Variants in TMEM170B observed in about 807,000 individuals in gnomAD.
The protein encoded by TMEM170B is transmembrane protein 170B.
A neutral mutation model predicts 13.0 loss-of-function variants in TMEM170B; 6 were observed. The observed-to-expected ratio is 0.46, with a 90% CI of 0.25 to 0.91. The LOEUF (loss-of-function observed/expected upper bound fraction) is 0.91, where lower values mean the gene tolerates loss of function less well. TMEM170B is among the 40% of genes least tolerant of loss of function. The probability of loss-of-function intolerance (pLI) is 0.17; values close to 1 mark genes in which losing one functional copy is unlikely to be tolerated. For synonymous variants in TMEM170B, 61 were observed against 64.9 expected, an observed-to-expected ratio of 0.94 and a Z score of 0.29; for missense variants, 138 against 165.2, an observed-to-expected ratio of 0.84 and a Z score of 0.90.
rs900527856 is a variant in TMEM170B, at chr6:11,579,485, T to C, written c.*3924T>C. 1 of 152,254 alleles carries C rather than the reference T, an allele frequency of 6.6e-6. No homozygotes were observed. The highest frequency in any genetic ancestry group is 2.4e-5 in the African/African-American group (1 of 41,474). The allele number at this position is 152,254 out of a possible 1,614,324, so 9.4% of individuals were successfully genotyped here. A position where few individuals can be genotyped will look rare whatever the true frequency, so the allele number is the denominator to read the frequency against. ...TTTTGCAATTGCATTACCAATTGAATATGTTGTTTTGTAAAATTCATCAAT... is the reference window on the plus strand; with the variant it reads ...TTTTGCAATTGCATTACCAATTGAACATGTTGTTTTGTAAAATTCATCAAT... On this transcript the variant is annotated 3_prime_UTR_variant, in exon 3 of 3. Coordinates refer to ENST00000379426, the MANE Select transcript of TMEM170B (RefSeq NM_001100829.3).
chr6:11,557,016 T>C (rs1353117029), intron 1 of TMEM170B, among the ~76,000 whole-genome samples: 4 of 152,146 alleles, frequency 2.6e-5, no homozygotes, highest in Non-Finnish European at 5.9e-5. Context: ...TGCAAGCGAG[T>C]GTGCATTTGT....
At chr6:11,561,243 A>AT (rs1759661102) in intron 1 of TMEM170B, among the ~76,000 whole-genome samples, 1 of 151,898 alleles carries the variant, frequency 6.6e-6, no homozygotes, top group South Asian at 2.1e-4. Context: ...TTTGTTTTGT[A>AT]TTTTTTCAGC....
chr6:11,541,045 A>C (rs754750735), intron 1 of TMEM170B, among the ~76,000 whole-genome samples: 25 of 152,086 alleles, frequency 1.6e-4, no homozygotes, highest in Non-Finnish European at 8.8e-5. Context: ...AAACTGATGT[A>C]CTGTCATCCA....
intron 1 of TMEM170B, among the ~76,000 whole-genome samples, chr6:11,547,232 GAA>G (rs1178346103): frequency 6.6e-6 from 1 of 151,262 alleles, no homozygotes; most frequent in African/African-American, 2.5e-5. Flanking sequence ...AAAAATAAAA[GAA>G]AGTGAATATT....
At position 11,576,541 on chromosome 6, in the gene TMEM170B, A is replaced by C. The variant is rs78179337; in HGVS notation, c.*980A>C. On this transcript the variant is annotated 3_prime_UTR_variant, in exon 3 of 3. Transcript: ENST00000379426. Reference sequence around the variant, plus strand: ...TATATCTTGATTTTTGACAAAACATAAACAGTCTTTCATTCTGGAGTATTA... The same window carrying C: ...TATATCTTGATTTTTGACAAAACATCAACAGTCTTTCATTCTGGAGTATTA... 6.6e-6 allele frequency: 1 copy of C among 152,168 alleles called. No individual in the cohort carries two copies. Among genetic ancestry groups the C allele is most frequent in the Non-Finnish European group, 1.5e-5 (1 of 68,008 alleles). 9.4% of individuals were successfully genotyped at this position (152,168 alleles called of 1,614,324 possible).
At chr6:11,572,982 A>G (rs1316378072) in intron 2 of TMEM170B, among the ~76,000 whole-genome samples, 3 of 152,114 alleles carry the variant, frequency 2.0e-5, no homozygotes, top group South Asian at 2.1e-4. Context: ...TTTATCTCCA[A>G]CTGATGGTGG....
In TMEM170B at chr6:11,575,465, G is replaced by A; in HGVS notation, c.303G>A (p.Gly101=). ...AAVAGIYRVA[G]KNMAPLEALV... ...TAGCGGGCATTTACAGAGTAGCTGG[G>A]AAGAACATGGCCCCTTTGGAAGCGC... The change falls in exon 3 of 3, where the codon GGG becomes GGA. Residue 101 remains glycine, a synonymous_variant. Transcript: ENST00000379426. This position sits in a 1 kb window ranked among gnomAD's most constrained non-coding sequence, Gnocchi z 4.1. 6.2e-7 allele frequency: 1 copy of A among 1,613,536 alleles called. No homozygotes were observed. The highest frequency in any genetic ancestry group is 1.3e-5 in the African/African-American group (1 of 74,998).
Position 11,571,821 on chromosome 6 carries a change from T to C in TMEM170B, c.269-3610T>C, listed in dbSNP as rs1225679388. ...GATTAATATCTAGACTATATATTTT[T>C]TAAAAACCCTGTGACTCAAGTTATA... On this transcript the variant is annotated intron_variant, in intron 2 of 2. Coordinates refer to ENST00000379426, the MANE Select transcript of TMEM170B (RefSeq NM_001100829.3). Among the ~76,000 whole-genome samples, 7 of 152,280 alleles carry C rather than the reference T, an allele frequency of 4.6e-5. No homozygotes were observed. In the East Asian group the frequency reaches 9.6e-4, roughly 21 times the overall value.
At chr6:11,574,997 T>A (rs1759854692) in intron 2 of TMEM170B, among the ~76,000 whole-genome samples, 1 of 151,566 alleles carries the variant, frequency 6.6e-6, no homozygotes, top group Admixed American at 6.6e-5. Context: ...ATTAAAATAT[T>A]TATTAATAAT....
At chr6:11,559,628 C>T (rs916746562) in intron 1 of TMEM170B, among the ~76,000 whole-genome samples, 7 of 152,256 alleles carry the variant, frequency 4.6e-5, no homozygotes, top group Admixed American at 3.3e-4. Flanking sequence ...ATAAATGTAT[C>T]ATCTCTCTGA....
chr6:11,551,418 C>T (rs1414067278), intron 1 of TMEM170B, among the ~76,000 whole-genome samples: 1 of 152,058 alleles, frequency 6.6e-6, no homozygotes, highest in African/African-American at 2.4e-5. Flanking sequence ...CTGGCTAAGA[C>T]AGTCTTAAAG....
intron 2 of TMEM170B, among the ~76,000 whole-genome samples, chr6:11,566,757 T>G (rs1212668414): frequency 6.6e-6 from 1 of 152,260 alleles, no homozygotes; most frequent in African/African-American, 2.4e-5. Flanking sequence ...CCCCTTTTCC[T>G]TCATTCTTCC....
In TMEM170B at chr6:11,538,290, G is replaced by C. The variant is rs199976230; in HGVS notation, c.13G>C (p.Gly5Arg). 9.8e-6 allele frequency: 14 copies of C among 1,421,852 alleles called. No homozygotes were observed. The highest frequency in any genetic ancestry group is 8.9e-5 in the African/African-American group (6 of 67,510). 88.1% of individuals were successfully genotyped at this position (1,421,852 alleles called of 1,614,324 possible). The change falls in exon 1 of 3, where the codon GGG becomes CGG. Residue 5 changes from glycine (G) to arginine (R), a missense_variant. Transcript: ENST00000379426. ...CCCCTCGGGGAAGATGAAGGCGGAG[G>C]GGGGCGACCACTCCATGATCAACCT... is the stretch of plus-strand genomic sequence containing the variant. MKAE[G>R]GDHSMINLSV...
chr6:11,569,028 G>A (rs1303543517), intron 2 of TMEM170B, among the ~76,000 whole-genome samples: 1 of 151,906 alleles, frequency 6.6e-6, no homozygotes, highest in Non-Finnish European at 1.5e-5. Flanking sequence ...TCTCATTGTT[G>A]GTTTAATTTG....
intron 1 of TMEM170B, among the ~76,000 whole-genome samples, chr6:11,561,698 A>G (rs1759667848): frequency 6.6e-6 from 1 of 152,202 alleles, no homozygotes; most frequent in African/African-American, 2.4e-5. Flanking sequence ...TCCATCATAA[A>G]GAGTATGATT....
intron 1 of TMEM170B, among the ~76,000 whole-genome samples, chr6:11,551,467 T>G (rs909770103): frequency 6.6e-6 from 1 of 152,098 alleles, no homozygotes; most frequent in Non-Finnish European, 1.5e-5. Flanking sequence ...AAGGGAAGAC[T>G]AGGGGCATCA....
Position 11,538,374 on chromosome 6 carries a change from G to T in TMEM170B, c.97G>T (p.Glu33Ter). ...CGGGACGGTGCTGAGGAACCTCACG[G>T]GTAATTGACGCGCCTGGGCTGGGGA... ...AHGTVLRNLTEMWYWIFLWAL... is the reference protein window; with the variant it reads ...AHGTVLRNLT Residue 33 changes from glutamate to a stop codon, truncating the protein, a stop_gained and splice_region_variant, in exon 1 of 3, where the codon GAG becomes TAG. Transcript: ENST00000379426. LOFTEE classifies it high-confidence loss of function. The T allele has an allele frequency of 6.6e-7, 1 of 1,510,158 alleles. No individual in the cohort carries two copies. 93.5% of individuals were successfully genotyped at this position (1,510,158 alleles called of 1,614,324 possible).
At position 11,538,296 on chromosome 6, in the gene TMEM170B, G is replaced by C; in HGVS notation, c.19G>C (p.Asp7His). ...GGGGAAGATGAAGGCGGAGGGGGGCGACCACTCCATGATCAACCTGTCGGT... is the reference window on the plus strand; with the variant it reads ...GGGGAAGATGAAGGCGGAGGGGGGCCACCACTCCATGATCAACCTGTCGGT... MKAEGG[D>H]HSMINLSVQQ... is the part of the protein sequence containing the mutation. Residue 7 changes from aspartate (D) to histidine (H), a missense_variant, in exon 1 of 3, where the codon GAC becomes CAC. Coordinates refer to ENST00000379426, the MANE Select transcript of TMEM170B (RefSeq NM_001100829.3). 1 of 1,437,220 alleles carries C rather than the reference G, an allele frequency of 7.0e-7. No individual in the cohort carries two copies. Among genetic ancestry groups the C allele is most frequent in the Non-Finnish European group, 9.1e-7 (1 of 1,096,434 alleles). 89.0% of individuals were successfully genotyped at this position (1,437,220 alleles called of 1,614,324 possible).
Position 11,577,718 on chromosome 6 carries a change from AGAAT to A in TMEM170B, c.*2161_*2164del, listed in dbSNP as rs1201210395. The A allele has an allele frequency of 2.0e-5, 3 of 152,270 alleles. No individual in the cohort carries two copies. Among genetic ancestry groups the A allele is most frequent in the African/African-American group, 7.2e-5 (3 of 41,584 alleles). 9.4% of individuals were successfully genotyped at this position (152,270 alleles called of 1,614,324 possible). The stretch of plus-strand genomic sequence containing the variant: ...AGATTTAAACTATTGTTTTTACTCT[AGAAT>A]GAAAGTATAATTGAACGGTTAATAA... On this transcript the variant is annotated 3_prime_UTR_variant, in exon 3 of 3. Transcript: ENST00000379426.
Sources: gnomAD v4.1 joint callset for allele counts (sites outside exome capture counted in the v4.1 genomes callset) on GRCh38, gnomAD v4.1.1 for gene constraint, Gnocchi (gnomAD v3.1) non-coding constraint, MANE v1.5 for transcripts, NCBI Gene and HGNC (gene_info 2026-07-23, HGNC 2026-07-21) for gene names.